The following CACHD1 variants were observed in gnomAD, a reference collection of about 807,000 sequenced individuals.
The protein encoded by CACHD1 is VWFA and cache domain-containing protein 1.
A neutral mutation model predicts 138.7 loss-of-function variants in CACHD1; 71 were observed. The observed-to-expected ratio is 0.51, with a 90% CI of 0.42 to 0.62. CACHD1 has a LOEUF of 0.62. Among genes scored for constraint, CACHD1 ranks in the 20% least tolerant of loss-of-function variants. CACHD1 has a pLI of 0.00. For missense variants in CACHD1, 1,389 were observed against 1,625.3 expected, an observed-to-expected ratio of 0.85 and a Z score of 2.50; for synonymous variants, 578 against 591.5, an observed-to-expected ratio of 0.98 and a Z score of 0.33.
intron 1 of CACHD1, among the ~76,000 whole-genome samples, chr1:64,514,420 C>T (rs531865321): frequency 6.6e-6 from 1 of 152,190 alleles, no homozygotes; most frequent in Non-Finnish European, 1.5e-5. Context: ...AAAAAGGACT[C>T]TTGCCAGCTT....
intron 21 of CACHD1, among the ~76,000 whole-genome samples, 197 bp downstream of exon 21, chr1:64,676,180 G>A (rs1266996271): frequency 6.6e-6 from 1 of 151,862 alleles, no homozygotes; most frequent in African/African-American, 2.4e-5. Flanking sequence ...CTGTTTCAAG[G>A]TTTAAATTTA....
At chr1:64,475,171 CTTTTTTTTTTT>C (rs3078373) in intron 1 of CACHD1, among the ~76,000 whole-genome samples, 1 of 124,286 alleles carries the variant, frequency 8.0e-6, no homozygotes, top group Non-Finnish European at 1.6e-5. Context: ...AAATTCCTTC[CTTTTTTTTTTT>C]TTTTTTTTCT....
chr1:64,553,055 G>A (rs1351416115), intron 2 of CACHD1, among the ~76,000 whole-genome samples: 6 of 152,154 alleles, frequency 3.9e-5, no homozygotes. Flanking sequence ...CCAAAAATGA[G>A]GACAGTTGTG....
chr1:64,544,858 T>G (rs1646706655), intron 1 of CACHD1, among the ~76,000 whole-genome samples: 1 of 152,150 alleles, frequency 6.6e-6, no homozygotes, highest in African/African-American at 2.4e-5. Context: ...AAGATACCCC[T>G]TTTCTTGCTG....
At chr1:64,574,556 C>G (rs577353525) in intron 2 of CACHD1, among the ~76,000 whole-genome samples, 1 of 152,286 alleles carries the variant, frequency 6.6e-6, no homozygotes, top group African/African-American at 2.4e-5. Flanking sequence ...CCCTTCTCCA[C>G]GTACAGAGAA....
intron 13 of CACHD1, among the ~76,000 whole-genome samples, 181 bp from the exon 14 acceptor site, chr1:64,663,514 T>C (rs1649516330): frequency 7.0e-6 from 1 of 143,234 alleles, no homozygotes. Context: ...CCGCGCCACT[T>C]CACACCAGCC....
intron 2 of CACHD1, among the ~76,000 whole-genome samples, chr1:64,552,718 ATCC>A (rs1480197320): frequency 2.0e-5 from 3 of 152,116 alleles, no homozygotes; most frequent in African/African-American, 7.2e-5. Flanking sequence ...AGCGCAAACA[ATCC>A]TCCTGCCATG....
At chr1:64,679,400 A>G (rs929046204) in intron 23 of CACHD1, among the ~76,000 whole-genome samples, 195 bp from the exon 24 acceptor site, 2 of 152,202 alleles carry the variant, frequency 1.3e-5, no homozygotes, top group Non-Finnish European at 2.9e-5. Context: ...CCAACACTGG[A>G]GAACCAGGAA....
At chr1:64,476,975 G>T (rs1005368973) in intron 1 of CACHD1, among the ~76,000 whole-genome samples, 14 of 152,180 alleles carry the variant, frequency 9.2e-5, no homozygotes, top group Non-Finnish European at 1.8e-4. Flanking sequence ...GGACCTTGGA[G>T]TAAGAATTTA....
intron 2 of CACHD1, among the ~76,000 whole-genome samples, chr1:64,558,971 C>T (rs1646818665): frequency 6.6e-6 from 1 of 152,100 alleles, no homozygotes; most frequent in Admixed American, 6.6e-5. Flanking sequence ...GTCAGAATGG[C>T]TATCATCAAA....
At chr1:64,603,045 T>C in intron 4 of CACHD1, 133 bp downstream of exon 4, 3 of 502,016 alleles carry the variant, frequency 6.0e-6, no homozygotes, top group Non-Finnish European at 1.0e-5. Context: ...TATTTCTTGC[T>C]GGAAAGTTAA....
At chr1:64,671,730 A>G in intron 17 of CACHD1, 44 bp downstream of exon 17, 1 of 1,612,130 alleles carries the variant, frequency 6.2e-7, no homozygotes, top group Non-Finnish European at 8.5e-7. Flanking sequence ...CTGCAGTTTA[A>G]AAATAGATGT....
chr1:64,618,159 T>A (rs929590512), intron 4 of CACHD1, among the ~76,000 whole-genome samples: 1 of 150,620 alleles, frequency 6.6e-6, no homozygotes, highest in Non-Finnish European at 1.5e-5. Flanking sequence ...TTAAAAAAAA[T>A]AGCAATAACA....
At chr1:64,679,442 G>C (rs1650096548) in intron 23 of CACHD1, among the ~76,000 whole-genome samples, 153 bp from the exon 24 acceptor site, 1 of 152,194 alleles carries the variant, frequency 6.6e-6, no homozygotes, top group South Asian at 2.1e-4. Flanking sequence ...ACGTTCCCAT[G>C]CGTCATGTTT....
At chr1:64,675,683 A>G (rs1427678458) in intron 20 of CACHD1, 122 bp downstream of exon 20, 1 of 1,239,548 alleles carries the variant, frequency 8.1e-7, no homozygotes, top group Non-Finnish European at 1.1e-6. Context: ...GAAAAGTCAC[A>G]GTTACAAAGC....
At chr1:64,508,018 G>A (rs1285185582) in intron 1 of CACHD1, among the ~76,000 whole-genome samples, 1 of 152,232 alleles carries the variant, frequency 6.6e-6, no homozygotes, top group Non-Finnish European at 1.5e-5. Flanking sequence ...AGAAAACGTG[G>A]CTGAGGAGGC....
intron 1 of CACHD1, among the ~76,000 whole-genome samples, chr1:64,519,318 C>G (rs1014618354): frequency 6.6e-6 from 1 of 152,082 alleles, no homozygotes; most frequent in African/African-American, 2.4e-5. Flanking sequence ...GGTAGTGGAG[C>G]CTTTCGATTG....
intron 5 of CACHD1, among the ~76,000 whole-genome samples, chr1:64,632,057 C>G (rs1424048545): frequency 3.3e-5 from 5 of 151,986 alleles, no homozygotes; most frequent in African/African-American, 1.2e-4. Context: ...AGAATCCAAC[C>G]CTGGTGATGG....
intron 4 of CACHD1, among the ~76,000 whole-genome samples, chr1:64,608,893 G>A (rs1471577759): frequency 6.6e-6 from 1 of 152,202 alleles, no homozygotes; most frequent in Non-Finnish European, 1.5e-5. Flanking sequence ...AGGTGAGAGT[G>A]AAGTAGGAGT....
Sources: gnomAD v4.1 joint callset for allele counts (sites outside exome capture counted in the v4.1 genomes callset) on GRCh38, gnomAD v4.1.1 for gene constraint, MANE v1.5 for transcripts, NCBI Gene and HGNC (gene_info 2026-07-23, HGNC 2026-07-21) for gene names.